The following FMN1 variants were observed in gnomAD, a reference collection of about 807,000 sequenced individuals.
FMN1 encodes formin 1.
Under a neutral mutation model 132.4 loss-of-function variants are expected in FMN1, and 110 were observed. The ratio of observed to expected loss-of-function variants is 0.83; its 90% CI spans 0.71 to 0.97. The LOEUF is 0.97. FMN1 is among the 50% of genes least tolerant of loss of function. FMN1 has a pLI of 0.00. For missense variants in FMN1, 1,792 were observed against 1,705.3 expected (o/e 1.05, Z -0.90); for synonymous variants, 722 against 651.7 (o/e 1.11, Z -1.64).
At chr15:32,826,761 T>C (rs1304981062) in intron 17 of FMN1, among the ~76,000 whole-genome samples, 1 of 152,170 alleles carries the variant, frequency 6.6e-6, no homozygotes, top group African/African-American at 2.4e-5. Context: ...TCTCACACTA[T>C]CATTACAATA....
At chr15:33,167,871 G>A (rs981041379) in intron 3 of FMN1, among the ~76,000 whole-genome samples, 3 of 152,206 alleles carry the variant, frequency 2.0e-5, no homozygotes, top group African/African-American at 7.2e-5. Flanking sequence ...TCAGTAGGCT[G>A]AGGAGGAGAA....
At chr15:32,811,325 T>C (rs1033423187) in intron 17 of FMN1, among the ~76,000 whole-genome samples, 1 of 152,134 alleles carries the variant, frequency 6.6e-6, no homozygotes, top group African/African-American at 2.4e-5. Context: ...GATGGTAAAG[T>C]TGAAGAGTAG....
intron 7 of FMN1, among the ~76,000 whole-genome samples, chr15:33,001,585 A>ATCC (rs1041468707): frequency 9.4e-5 from 1 of 10,618 alleles, no homozygotes; most frequent in Non-Finnish European, 1.8e-4. Context: ...ACCTCCCCCC[A>ATCC]TCCTCCTCCT....
intron 3 of FMN1, among the ~76,000 whole-genome samples, chr15:33,162,426 A>G (rs1409060391): frequency 1.5e-5 from 2 of 135,876 alleles, no homozygotes; most frequent in East Asian, 4.0e-4. Context: ...CAGAGGAGTT[A>G]AAAAAAAAAA....
At chr15:33,057,362 T>C (rs11857866) in intron 6 of FMN1, among the ~76,000 whole-genome samples, 42,777 of 152,048 alleles carry the variant, frequency 0.28, 6,157 homozygotes, top group Non-Finnish European at 0.31. Context: ...CTCAGAGCTA[T>C]ATACTCTTGT....
At chr15:32,984,046 A>AC (rs1347386210) in intron 7 of FMN1, among the ~76,000 whole-genome samples, 1 of 152,120 alleles carries the variant, frequency 6.6e-6, no homozygotes, top group East Asian at 1.9e-4. Context: ...CCCTGTCTCT[A>AC]CAGCCTGTTT....
At chr15:33,060,313 T>C (rs993375271) in intron 6 of FMN1, among the ~76,000 whole-genome samples, 6 of 152,188 alleles carry the variant, frequency 3.9e-5, no homozygotes, top group African/African-American at 7.2e-5. Context: ...ACTCAAATTA[T>C]AGTAGGCCAA....
chr15:32,937,985 G>A (rs2061317449), intron 9 of FMN1, among the ~76,000 whole-genome samples: 1 of 152,180 alleles, frequency 6.6e-6, no homozygotes, highest in African/African-American at 2.4e-5. Flanking sequence ...ATCTTTCTGA[G>A]ATTGGTTAGA....
chr15:32,941,488 T>C (rs2061399896), intron 9 of FMN1, among the ~76,000 whole-genome samples: 1 of 152,220 alleles, frequency 6.6e-6, no homozygotes, highest in Non-Finnish European at 1.5e-5. Context: ...CACACATTTA[T>C]AGCCATTTTC....
At chr15:32,926,570 G>T (rs1481006245) in intron 9 of FMN1, among the ~76,000 whole-genome samples, 1 of 152,184 alleles carries the variant, frequency 6.6e-6, no homozygotes, top group East Asian at 1.9e-4. Context: ...AAGATGTACA[G>T]AATGTGGTAT....
chr15:33,169,886 G>C (rs561555605), intron 3 of FMN1, among the ~76,000 whole-genome samples: 1 of 151,824 alleles, frequency 6.6e-6, no homozygotes, highest in East Asian at 1.9e-4. Context: ...ATTTTCTAAA[G>C]TAGATACATA....
chr15:32,879,285 A>G (rs1442066929), intron 16 of FMN1, among the ~76,000 whole-genome samples: 2 of 152,218 alleles, frequency 1.3e-5, no homozygotes, highest in Non-Finnish European at 2.9e-5. Context: ...AATATTTTTA[A>G]CACCATGGCA....
intron 19 of FMN1, among the ~76,000 whole-genome samples, chr15:32,781,144 T>C (rs1034343767): frequency 5.3e-5 from 8 of 152,178 alleles, no homozygotes; most frequent in Admixed American, 2.6e-4. Context: ...GGGTGTGATA[T>C]GCTATCTTTT....
intron 6 of FMN1, among the ~76,000 whole-genome samples, chr15:33,060,500 T>G (rs952635393): frequency 1.4e-4 from 22 of 152,316 alleles, no homozygotes; most frequent in Non-Finnish European, 2.6e-4. Context: ...TCTATTTAAT[T>G]TAAAATACTC....
At chr15:32,931,044 G>A (rs1403949170) in intron 9 of FMN1, among the ~76,000 whole-genome samples, 1 of 151,930 alleles carries the variant, frequency 6.6e-6, no homozygotes, top group Non-Finnish European at 1.5e-5. Flanking sequence ...CTGTTCTATT[G>A]GCCTATAATG....
At chr15:33,097,316 A>AG (rs1555399157) in intron 4 of FMN1, among the ~76,000 whole-genome samples, 59 of 147,310 alleles carry the variant, frequency 4.0e-4, no homozygotes, top group African/African-American at 6.2e-4. Context: ...AAAAAAAAAA[A>AG]AGAGAGAGAG....
At chr15:32,793,796 A>G (rs1429388515) in intron 19 of FMN1, among the ~76,000 whole-genome samples, 1 of 152,246 alleles carries the variant, frequency 6.6e-6, no homozygotes, top group African/African-American at 2.4e-5. Context: ...ACACAGGGCA[A>G]GGAAAAGAAA....
chr15:33,116,047 G>A (rs2039911071), intron 4 of FMN1, among the ~76,000 whole-genome samples: 1 of 152,092 alleles, frequency 6.6e-6, no homozygotes, highest in African/African-American at 2.4e-5. Context: ...CACCTTAAAG[G>A]TATATCCAGA....
chr15:32,993,310 G>C (rs2033556652), intron 7 of FMN1, among the ~76,000 whole-genome samples: 1 of 152,124 alleles, frequency 6.6e-6, no homozygotes, highest in Non-Finnish European at 1.5e-5. Flanking sequence ...TAGCAAATTT[G>C]AAAATTATCA....
Sources: allele counts gnomAD v4.1 joint callset (sites outside exome capture counted in the v4.1 genomes callset), GRCh38; gene constraint gnomAD v4.1.1; transcripts MANE v1.5; gene names NCBI Gene and HGNC (gene_info 2026-07-23, HGNC 2026-07-21).